SAMD12: variants seen among roughly 807,000 people sequenced by gnomAD.
The protein encoded by SAMD12 is sterile alpha motif domain containing 12, also known as sterile alpha motif domain-containing protein 12.
In SAMD12, 9 loss-of-function variants were observed where a neutral mutation model predicts 15.0. The observed-to-expected ratio is 0.60, with a 90% confidence interval of 0.36 to 1.05. The LOEUF (loss-of-function observed/expected upper bound fraction) is 1.05. Ranked by LOEUF, SAMD12 falls within the 50% of genes least tolerant of loss-of-function variation. SAMD12 has a pLI of 0.01. For synonymous variants in SAMD12, 86 were observed against 90.1 expected (o/e 0.96, Z 0.25); for missense variants, 230 against 234.2 (o/e 0.98, Z 0.12).
the SAMD12 span, among the ~76,000 whole-genome samples, chr8:118,171,911 G>A: frequency 2.5e-4 from 38 of 152,032 alleles, no homozygotes; most frequent in African/African-American, 8.7e-4. Context: ...AAGAAAATGT[G>A]GCACATATAC....
the SAMD12 span, among the ~76,000 whole-genome samples, chr8:118,144,629 A>G: frequency 6.6e-6 from 1 of 152,026 alleles, no homozygotes; most frequent in African/African-American, 2.4e-5. Context: ...GAAGGGAGGA[A>G]AAAGGGGAGG....
the SAMD12 span, among the ~76,000 whole-genome samples, chr8:118,134,196 G>C: frequency 6.6e-6 from 1 of 152,176 alleles, no homozygotes; most frequent in Non-Finnish European, 1.5e-5. Flanking sequence ...CAGCTTCCGG[G>C]TCTCATCTGT....
intron 3 of SAMD12, among the ~76,000 whole-genome samples, chr8:118,403,371 T>A (rs1176361228): frequency 9.9e-5 from 15 of 152,016 alleles, no homozygotes; most frequent in Admixed American, 8.5e-4. Context: ...ATTTTTTTTT[T>A]AATAAGAGGC....
At chr8:118,361,104 C>T (rs1177731558) in intron 4 of SAMD12, among the ~76,000 whole-genome samples, 1 of 152,206 alleles carries the variant, frequency 6.6e-6, no homozygotes, top group Non-Finnish European at 1.5e-5. Context: ...CATCATTGTT[C>T]CCTCTTTGTA....
intron 2 of SAMD12, among the ~76,000 whole-genome samples, chr8:118,536,453 C>G (rs867316044): frequency 5.8e-4 from 87 of 151,018 alleles, no homozygotes; most frequent in African/African-American, 1.6e-3. Flanking sequence ...AACACACACA[C>G]ACACACACAC....
intron 2 of SAMD12, among the ~76,000 whole-genome samples, chr8:118,463,403 C>T (rs1823494668): frequency 6.6e-6 from 1 of 152,118 alleles, no homozygotes; most frequent in Admixed American, 6.5e-5. Context: ...TCACAGAGAG[C>T]ACAGCAGTGG....
At chr8:118,336,680 A>C (rs1817086993) in intron 4 of SAMD12, among the ~76,000 whole-genome samples, 1 of 152,172 alleles carries the variant, frequency 6.6e-6, no homozygotes, top group Non-Finnish European at 1.5e-5. Context: ...CCTCTCCAGC[A>C]CCTGTTGTTT....
chr8:118,354,288 C>T (rs1818111782), intron 4 of SAMD12, among the ~76,000 whole-genome samples: 1 of 152,180 alleles, frequency 6.6e-6, no homozygotes, highest in Non-Finnish European at 1.5e-5. Flanking sequence ...TAAAATACAA[C>T]AAACATGTAA....
At chr8:118,417,870 C>T (rs758277178) in intron 3 of SAMD12, among the ~76,000 whole-genome samples, 4 of 152,032 alleles carry the variant, frequency 2.6e-5, no homozygotes, top group Non-Finnish European at 5.9e-5. Flanking sequence ...CCTAAATGCC[C>T]AATTTAGAAT....
At chr8:118,165,395 T>C in the SAMD12 span, among the ~76,000 whole-genome samples, 1 of 151,754 alleles carries the variant, frequency 6.6e-6, no homozygotes, top group African/African-American at 2.4e-5. Flanking sequence ...CAAGCCACCT[T>C]CCACATGTTC....
chr8:118,283,678 C>G (rs942164882), intron 4 of SAMD12, among the ~76,000 whole-genome samples: 10 of 152,178 alleles, frequency 6.6e-5, no homozygotes, highest in Non-Finnish European at 1.5e-4. Flanking sequence ...GGTGATGAGC[C>G]TTCTGTAAAG....
At chr8:118,165,860 C>T in the SAMD12 span, among the ~76,000 whole-genome samples, 2 of 151,714 alleles carry the variant, frequency 1.3e-5, no homozygotes, top group East Asian at 3.9e-4. Context: ...ACTTTTTATC[C>T]TCTTCACCTG....
chr8:118,156,586 A>G, the SAMD12 span, among the ~76,000 whole-genome samples: 1 of 152,178 alleles, frequency 6.6e-6, no homozygotes, highest in African/African-American at 2.4e-5. Context: ...ATATTTACCA[A>G]TTCTTATATG....
chr8:118,316,907 G>A (rs962075033), intron 4 of SAMD12, among the ~76,000 whole-genome samples: 8 of 143,060 alleles, frequency 5.6e-5, no homozygotes, highest in African/African-American at 2.0e-4. Context: ...CTCCTGCCTT[G>A]GCCTCCCAAA....
chr8:118,282,043 C>G (rs10110578), intron 4 of SAMD12: 3 of 315,338 alleles, frequency 9.5e-6, no homozygotes, highest in Admixed American at 4.5e-5. Context: ...TATTTGGAGA[C>G]GAGGGTAACC....
intron 3 of SAMD12, among the ~76,000 whole-genome samples, chr8:118,419,100 T>G (rs1821868885): frequency 6.6e-6 from 1 of 152,204 alleles, no homozygotes; most frequent in Admixed American, 6.5e-5. Flanking sequence ...CTAGTTTGCA[T>G]GTTAACAGCA....
At chr8:118,380,143 T>C (rs1819598181) in intron 3 of SAMD12, among the ~76,000 whole-genome samples, 1 of 152,156 alleles carries the variant, frequency 6.6e-6, no homozygotes, top group Non-Finnish European at 1.5e-5. Flanking sequence ...CTAACAGTGG[T>C]ATATACAGAA....
intron 1 of SAMD12, among the ~76,000 whole-genome samples, chr8:118,611,986 C>T (rs145107156): frequency 7.6e-4 from 115 of 152,264 alleles, no homozygotes; most frequent in African/African-American, 2.6e-3. Context: ...GGACATCCAA[C>T]GCAAGACTCA....
At chr8:118,616,880 T>C (rs1254236847) in intron 1 of SAMD12, among the ~76,000 whole-genome samples, 3 of 152,206 alleles carry the variant, frequency 2.0e-5, no homozygotes, top group African/African-American at 7.2e-5. Context: ...GTGCAAACCC[T>C]ACTGTGAACT....
Sources: allele counts gnomAD v4.1 joint callset (sites outside exome capture counted in the v4.1 genomes callset), GRCh38; gene constraint gnomAD v4.1.1; transcripts MANE v1.5; gene names NCBI Gene and HGNC (gene_info 2026-07-23, HGNC 2026-07-21).